UBE3C: variants seen among roughly 807,000 people sequenced by gnomAD.
The protein encoded by UBE3C is ubiquitin protein ligase E3C, also known as ubiquitin-protein ligase E3C.
A neutral mutation model predicts 129.4 loss-of-function variants in UBE3C; 42 were observed. That is an observed-to-expected ratio of 0.32 (90% CI 0.25 to 0.42). UBE3C has a LOEUF of 0.42. Among genes scored for constraint, UBE3C ranks in the 10% least tolerant of loss-of-function variants. The probability of loss-of-function intolerance (pLI) is 1.00; values close to 1 mark genes in which losing one functional copy is unlikely to be tolerated. For missense variants in UBE3C, 1,049 were observed against 1,319.1 expected, an observed-to-expected ratio of 0.80 and a Z score of 3.17; for synonymous variants, 510 against 492.4, an observed-to-expected ratio of 1.04 and a Z score of -0.47.
At chr7:157,148,369 C>G (rs557750954) in intron 1 of UBE3C, among the ~76,000 whole-genome samples, 5 of 152,180 alleles carry the variant, frequency 3.3e-5, no homozygotes, top group Admixed American at 6.5e-5. Flanking sequence ...TCCCAATGTG[C>G]TGGGATTACA....
At chr7:157,195,413 A>G (rs1367054256) in intron 10 of UBE3C, among the ~76,000 whole-genome samples, 1 of 152,248 alleles carries the variant, frequency 6.6e-6, no homozygotes, top group Non-Finnish European at 1.5e-5. Flanking sequence ...TGAAAAAGTA[A>G]AGATGATTGA....
chr7:157,141,422 G>A (rs542102955), intron 1 of UBE3C, among the ~76,000 whole-genome samples: 2 of 152,264 alleles, frequency 1.3e-5, no homozygotes, highest in East Asian at 3.9e-4. Flanking sequence ...TTGTGGGACC[G>A]TCCTAGAGTG....
intron 10 of UBE3C, 36 bp from the exon 11 acceptor site, chr7:157,201,685 T>C: frequency 8.5e-7 from 1 of 1,179,606 alleles, no homozygotes; most frequent in Non-Finnish European, 1.2e-6. Context: ...AAGTAATTGC[T>C]TTACTGTTCT....
chr7:157,182,224 C>A lies in UBE3C; in HGVS notation c.887C>A (p.Pro296His). 6.2e-7 allele frequency: 1 copy of A among 1,614,188 alleles called. No homozygotes were observed. The highest frequency in any genetic ancestry group is 8.5e-7 in the Non-Finnish European group (1 of 1,180,032). The change falls in exon 8 of 23, where the codon CCC (proline) becomes CAC (histidine). Residue 296 changes from proline (P) to histidine (H), a missense_variant. By Grantham distance (77) the Pro-to-His change is moderately conservative (BLOSUM62 -2). Transcript: ENST00000348165. ...GCGCAGACCGTTTTCCCTTACGAGC[C>A]CTTTCTGAATGCACTGTTGTTAATA... is the stretch of plus-strand genomic sequence containing the variant. ...ADAQTVFPYE[P>H]FLNALLLIES...
At chr7:157,189,170 G>A (rs1172880643) in intron 10 of UBE3C, 10 of 391,190 alleles carry the variant, frequency 2.6e-5, no homozygotes, top group Middle Eastern at 3.7e-4. Context: ...TGAATATGCC[G>A]AGGAAGCTGG....
intron 4 of UBE3C, among the ~76,000 whole-genome samples, chr7:157,171,335 C>T (rs1586660689): frequency 1.3e-5 from 2 of 151,644 alleles, no homozygotes; most frequent in South Asian, 2.1e-4. Flanking sequence ...ACCATGTTGG[C>T]CAGGCTAGCC....
chr7:157,254,166 G>A (rs1212336687), intron 20 of UBE3C, 24 bp downstream of exon 20: 2 of 1,609,714 alleles, frequency 1.2e-6, no homozygotes, highest in East Asian at 4.5e-5. Context: ...TGACTTTCTG[G>A]GACACGCTTG....
At position 157,254,107 on chromosome 7, in the gene UBE3C, G is replaced by C. The variant is rs752252293; in HGVS notation, c.2848G>C (p.Glu950Gln). 6.2e-7 allele frequency: 1 copy of C among 1,612,282 alleles called. No homozygotes were observed. Among genetic ancestry groups the C allele is most frequent in the Non-Finnish European group, 8.5e-7 (1 of 1,179,218 alleles). ...RQGLANVVSL[E>Q]WLRMFDQQEI... ...GGGCCTTGCCAATGTCGTCAGCCTC[G>C]AGTGGCTCCGAATGTTTGATCAGCA... Residue 950 changes from glutamate to glutamine, a missense_variant, in exon 20 of 23, where the codon GAG (glutamate) becomes CAG (glutamine). Coordinates refer to ENST00000348165, the MANE Select transcript of UBE3C (RefSeq NM_014671.3).
chr7:157,156,249 A>G (rs1410840123), intron 1 of UBE3C, among the ~76,000 whole-genome samples: 3 of 151,454 alleles, frequency 2.0e-5, no homozygotes, highest in Admixed American at 2.0e-4. Context: ...GAATGTAAAC[A>G]GTCAAATAAA....
At chr7:157,174,646 G>T (rs1271737841) in intron 4 of UBE3C, among the ~76,000 whole-genome samples, 2 of 152,098 alleles carry the variant, frequency 1.3e-5, no homozygotes, top group Admixed American at 6.5e-5. Flanking sequence ...TAGAGACAGG[G>T]TTTCACCATG....
chr7:157,208,946 G>A (rs949609725), intron 13 of UBE3C, among the ~76,000 whole-genome samples: 1 of 152,166 alleles, frequency 6.6e-6, no homozygotes, highest in Non-Finnish European at 1.5e-5. Flanking sequence ...TAATACCAGC[G>A]ACCTCTCGCA....
rs73743327 is a variant in UBE3C at position 157,248,335 on chromosome 7, C to T, written c.2482-33C>T. On this transcript the variant is annotated intron_variant, in intron 18 of 22. Transcript: ENST00000348165. Reference sequence around the variant, plus strand: ...TTTGTTTGTAGAAGGCTTGTATATTCGATGCTAACGTTGTCACTGTTCTCT... The same window carrying T: ...TTTGTTTGTAGAAGGCTTGTATATTTGATGCTAACGTTGTCACTGTTCTCT... The T allele has an allele frequency of 9.6e-4, 1,520 of 1,583,162 alleles. 16 individuals are homozygous for T. In the African/African-American group the frequency reaches 0.019, roughly 20 times the overall value.
rs112446821 is a variant in UBE3C, at chr7:157,168,946, T to C, written c.121-102T>C. 3,336 of 842,232 alleles carry C rather than the reference T, an allele frequency of 4.0e-3. 20 individuals carry two copies. The highest frequency in any genetic ancestry group is 8.7e-3 in the African/African-American group (513 of 58,746). 52.2% of individuals were successfully genotyped at this position (842,232 alleles called of 1,614,324 possible). The stretch of plus-strand genomic sequence containing the variant: ...TTTAAAGAATGAATTTTATGGTATG[T>C]GAATTACATAGCTGTTAGTGTTTTT... On this transcript the variant is annotated intron_variant, in intron 2 of 22. Coordinates refer to ENST00000348165, the MANE Select transcript of UBE3C (RefSeq NM_014671.3).
chr7:157,262,726 A>G (rs1455204874), intron 22 of UBE3C, among the ~76,000 whole-genome samples: 2 of 152,142 alleles, frequency 1.3e-5, no homozygotes, highest in African/African-American at 4.8e-5. Flanking sequence ...CATCCTCTTC[A>G]TAGCATTTTG....
intron 19 of UBE3C, 44 bp downstream of exon 19, chr7:157,248,624 G>A: frequency 6.3e-7 from 1 of 1,588,784 alleles, no homozygotes; most frequent in Non-Finnish European, 8.6e-7. Flanking sequence ...ATAGCAAGTA[G>A]CAGCATCTCC....
intron 15 of UBE3C, chr7:157,222,921 C>T (rs1047549417): frequency 4.6e-5 from 11 of 237,278 alleles, no homozygotes; most frequent in African/African-American, 2.1e-4. Context: ...GCCAGGGCAC[C>T]GCCCACTGCT....
At chr7:157,162,218 G>A (rs575816116) in intron 1 of UBE3C, among the ~76,000 whole-genome samples, 15 of 151,510 alleles carry the variant, frequency 9.9e-5, no homozygotes, top group South Asian at 4.2e-4. Context: ...TTTTTGAGAC[G>A]GAGTCTTGCT....
At chr7:157,189,073 G>T (rs1351745933) in intron 10 of UBE3C, 2 of 422,628 alleles carry the variant, frequency 4.7e-6, no homozygotes, top group Non-Finnish European at 8.5e-6. Context: ...CTATAAGAAG[G>T]ATGGAAAAAA....
At chr7:157,182,704 T>A (rs1808700211) in intron 8 of UBE3C, among the ~76,000 whole-genome samples, 1 of 152,056 alleles carries the variant, frequency 6.6e-6, no homozygotes, top group South Asian at 2.1e-4. Flanking sequence ...CATGCATGAA[T>A]TATTCATGAA....
Sources: gnomAD v4.1 joint callset for allele counts (sites outside exome capture counted in the v4.1 genomes callset) on GRCh38, gnomAD v4.1.1 for gene constraint, MANE v1.5 for transcripts, NCBI Gene and HGNC (gene_info 2026-07-23, HGNC 2026-07-21) for gene names.